Variants in CWF19L2 observed in about 807,000 individuals in gnomAD.
CWF19L2 encodes CWF19 like cell cycle control factor 2.
Under a neutral mutation model 111.7 loss-of-function variants are expected in CWF19L2, and 98 were observed. The ratio of observed to expected loss-of-function variants is 0.88; its 90% CI spans 0.75 to 1.04. The LOEUF is 1.04. Among genes scored for constraint, CWF19L2 ranks in the 50% least tolerant of loss-of-function variants. The pLI, the probability that CWF19L2 is intolerant of heterozygous loss-of-function variation, is 0.00. For synonymous variants in CWF19L2, 351 were observed against 342.9 expected, an observed-to-expected ratio of 1.02 and a Z score of -0.26; for missense variants, 1,101 against 1,051.4, an observed-to-expected ratio of 1.05 and a Z score of -0.65.
chr11:107,419,069 C>T (rs180811506), intron 8 of CWF19L2, among the ~76,000 whole-genome samples: 1 of 152,276 alleles, frequency 6.6e-6, no homozygotes, highest in Non-Finnish European at 1.5e-5. Context: ...AGAGGGTTCC[C>T]CTTGAGTACT....
chr11:107,342,807 T>C (rs1038298146), intron 14 of CWF19L2, among the ~76,000 whole-genome samples: 2 of 152,142 alleles, frequency 1.3e-5, no homozygotes, highest in African/African-American at 4.8e-5. Context: ...CCTGGGTATA[T>C]CTTAAATGTA....
Position 107,429,042 on chromosome 11 carries a change from G to A in CWF19L2, c.1190C>T (p.Ala397Val). ...AAAACCACTACACAAAGAGCCCTGAGCTACCAATGCTGAAGATGAACTAAG... is the reference window on the plus strand; with the variant it reads ...AAAACCACTACACAAAGAGCCCTGAACTACCAATGCTGAAGATGAACTAAG... ...EPLSSSSALVAQGSLCSGFRK... is the reference protein window; with the variant it reads ...EPLSSSSALVVQGSLCSGFRK... The change falls in exon 8 of 18, where the codon GCT (alanine) becomes GTT (valine). Residue 397 changes from alanine to valine, a missense_variant. Physicochemically the swap from Ala to Val is moderately conservative, Grantham distance 64. Transcript: ENST00000282251. The A allele has an allele frequency of 1.2e-6, 2 of 1,613,760 alleles. No homozygotes were observed. Among genetic ancestry groups the A allele is most frequent in the Non-Finnish European group, 1.7e-6 (2 of 1,179,796 alleles).
At chr11:107,382,069 T>C (rs78470538) in intron 12 of CWF19L2, among the ~76,000 whole-genome samples, 1 of 152,120 alleles carries the variant, frequency 6.6e-6, no homozygotes, top group Non-Finnish European at 1.5e-5. Context: ...TGAGGAAAGA[T>C]GTATATAGAT....
At chr11:107,419,251 A>T (rs1003140714) in intron 8 of CWF19L2, among the ~76,000 whole-genome samples, 1 of 152,230 alleles carries the variant, frequency 6.6e-6, no homozygotes, top group African/African-American at 2.4e-5. Context: ...AGTGGGAAAC[A>T]GCATGCCCTA....
Position 107,326,985 on chromosome 11 carries a change from C to G in CWF19L2, c.2610G>C (p.Glu870Asp), listed in dbSNP as rs756706198. The change falls in exon 18 of 18, where the codon GAG becomes GAC. Residue 870 changes from glutamate (E) to aspartate (D), a missense_variant. Coordinates refer to ENST00000282251, the MANE Select transcript of CWF19L2 (RefSeq NM_152434.3). ...LWRKGIRESF[E>D]DQRKKALQFA... ...ACTGCAGTGCTTTTTTCCTCTGATCCTCAAAGCTTTCTCGGATGCCTTTCC... is the reference window on the plus strand; with the variant it reads ...ACTGCAGTGCTTTTTTCCTCTGATCGTCAAAGCTTTCTCGGATGCCTTTCC... 6.2e-7 allele frequency: 1 copy of G among 1,611,952 alleles called. No homozygotes were observed. Among genetic ancestry groups the G allele is most frequent in the East Asian group, 2.2e-5 (1 of 44,722 alleles).
At chr11:107,433,296 A>G (rs1191130285) in intron 7 of CWF19L2, among the ~76,000 whole-genome samples, 2 of 152,144 alleles carry the variant, frequency 1.3e-5, no homozygotes, top group African/African-American at 4.8e-5. Context: ...AAACTCTAGA[A>G]TATACCTAAC....
At position 107,455,674 on chromosome 11, in the gene CWF19L2, A is replaced by C. The variant is rs1289635877; in HGVS notation, c.208T>G (p.Phe70Val). 3 of 1,543,662 alleles carry C rather than the reference A, an allele frequency of 1.9e-6. No individual in the cohort carries two copies. In the South Asian group the frequency reaches 3.6e-5, roughly 19 times the overall value. Residue 70 changes from phenylalanine to valine, a missense_variant, in exon 2 of 18, where the codon TTC becomes GTC. By Grantham distance (50) the Phe-to-Val change is conservative. Coordinates refer to ENST00000282251, the MANE Select transcript of CWF19L2 (RefSeq NM_152434.3). ...LPDVNERIEQ[F>V]SQEHSVKKKK... ...AACCTGTTAGTATTCACCTGTGAGA[A>C]CTGTTCAATTCTCTCATTCACATCA...
intron 13 of CWF19L2, among the ~76,000 whole-genome samples, chr11:107,349,676 G>T (rs1860130643): frequency 6.6e-6 from 1 of 151,742 alleles, no homozygotes; most frequent in African/African-American, 2.4e-5. Context: ...CATTACAAAG[G>T]GCTTGATCTT....
At chr11:107,351,078 T>TA (rs1262941193) in intron 13 of CWF19L2, among the ~76,000 whole-genome samples, 3 of 151,894 alleles carry the variant, frequency 2.0e-5, no homozygotes, top group Non-Finnish European at 4.4e-5. Flanking sequence ...AATGTTGACT[T>TA]AAAGTCAAAA....
intron 14 of CWF19L2, among the ~76,000 whole-genome samples, chr11:107,345,944 A>G (rs1461018852): frequency 6.6e-6 from 1 of 152,144 alleles, no homozygotes; most frequent in Admixed American, 6.5e-5. Flanking sequence ...TTCCTAGTAA[A>G]AAAACACTTC....
At chr11:107,449,458 C>A (rs619933) in intron 3 of CWF19L2, among the ~76,000 whole-genome samples, 26,271 of 151,764 alleles carry the variant, frequency 0.17, 2,452 homozygotes, top group Middle Eastern at 0.27. Flanking sequence ...ATATGTGTAA[C>A]TTATTTAAAA....
At chr11:107,409,891 G>C (rs1353788037) in intron 10 of CWF19L2, among the ~76,000 whole-genome samples, 1 of 152,090 alleles carries the variant, frequency 6.6e-6, no homozygotes, top group East Asian at 1.9e-4. Context: ...AAGTATTTCA[G>C]TATGTCTTGG....
In CWF19L2 at chr11:107,326,957, C is replaced by A. The variant is rs1245645418; in HGVS notation, c.2638G>T (p.Ala880Ser). ...AAGTCATATGGTTTCCACCACTGAG[C>A]AAACTGCAGTGCTTTTTTCCTCTGA... ...EDQRKKALQFAQWWKPYDFTK... is the reference protein window; with the variant it reads ...EDQRKKALQFSQWWKPYDFTK... The change falls in exon 18 of 18, where the codon GCT becomes TCT. Residue 880 changes from alanine to serine, a missense_variant. Transcript: ENST00000282251. 6.2e-7 allele frequency: 1 copy of A among 1,611,698 alleles called. No individual in the cohort carries two copies. Among genetic ancestry groups the A allele is most frequent in the South Asian group, 1.1e-5 (1 of 90,732 alleles).
intron 12 of CWF19L2, among the ~76,000 whole-genome samples, chr11:107,375,432 C>T (rs1370331931): frequency 1.4e-5 from 2 of 139,254 alleles, no homozygotes; most frequent in East Asian, 2.2e-4. Context: ...TCTCAGACCA[C>T]AGTGCAATCA....
chr11:107,437,718 C>A (rs376721558), intron 6 of CWF19L2, among the ~76,000 whole-genome samples: 17 of 152,088 alleles, frequency 1.1e-4, no homozygotes, highest in South Asian at 4.2e-4. Flanking sequence ...AAAGATACCA[C>A]CTAAAGTAAA....
intron 10 of CWF19L2, 30 bp downstream of exon 10, chr11:107,416,179 A>C: frequency 4.1e-6 from 3 of 727,612 alleles, no homozygotes; most frequent in Non-Finnish European, 6.3e-6. Context: ...TACACAAGGT[A>C]ATTACATTCT....
chr11:107,395,147 G>T lies in CWF19L2; in HGVS notation c.1618-2252C>A, dbSNP rs562045247. Among the ~76,000 whole-genome samples, 5 of 152,186 alleles carry T rather than the reference G, an allele frequency of 3.3e-5. No individual in the cohort carries two copies. The South Asian group carries it at 1.0e-3, about 32-fold the overall frequency. On this transcript the variant is annotated intron_variant, in intron 10 of 17. Coordinates refer to ENST00000282251, the MANE Select transcript of CWF19L2 (RefSeq NM_152434.3). ...CCCGGTGGGAGATGACTGAATCATG[G>T]GGGCAGGTCTTTCCTGTGCTGTTCT...
At chr11:107,435,350 G>A (rs514117) in intron 6 of CWF19L2, among the ~76,000 whole-genome samples, 27,184 of 152,060 alleles carry the variant, frequency 0.18, 2,608 homozygotes, top group Middle Eastern at 0.28. Context: ...CTACACAGCG[G>A]TAAGTAAAAG....
At chr11:107,425,843 CA>C (rs1354807106) in intron 8 of CWF19L2, among the ~76,000 whole-genome samples, 1 of 151,732 alleles carries the variant, frequency 6.6e-6, no homozygotes, top group Non-Finnish European at 1.5e-5. Context: ...TTTGTAAAAC[CA>C]AAATTAAGGA....
Sources: allele counts gnomAD v4.1 joint callset (sites outside exome capture counted in the v4.1 genomes callset), GRCh38; gene constraint gnomAD v4.1.1; transcripts MANE v1.5; gene names NCBI Gene and HGNC (gene_info 2026-07-23, HGNC 2026-07-21).